The following WIPF3 variants were observed in gnomAD, a reference collection of about 807,000 sequenced individuals.
WIPF3 encodes WAS/WASL-interacting protein family member 3.
A neutral mutation model predicts 38.9 loss-of-function variants in WIPF3; 33 were observed. The ratio of observed to expected loss-of-function variants is 0.85; its 90% CI spans 0.64 to 1.14. WIPF3 has a LOEUF of 1.14. WIPF3 is among the 50% of genes most tolerant of loss of function. WIPF3 has a pLI of 0.00. For missense variants in WIPF3, 711 were observed against 652.5 expected (o/e 1.09, Z -0.98); for synonymous variants, 324 against 269.3 (o/e 1.20, Z -1.99).
intron 2 of WIPF3, among the ~76,000 whole-genome samples, chr7:29,858,057 T>G (rs1373924620): frequency 6.6e-6 from 1 of 152,240 alleles, no homozygotes; most frequent in East Asian, 1.9e-4. Context: ...TTATGGTAAG[T>G]GTCTTACAGT....
chr7:29,816,412 A>G (rs547650413), intron 1 of WIPF3, among the ~76,000 whole-genome samples: 29 of 152,058 alleles, frequency 1.9e-4, no homozygotes, highest in African/African-American at 6.5e-4. Context: ...CTCACTGCAG[A>G]CTCCATCTCC....
chr7:29,818,346 G>A (rs1289377891), intron 1 of WIPF3, among the ~76,000 whole-genome samples: 5 of 151,848 alleles, frequency 3.3e-5, no homozygotes, highest in Admixed American at 6.6e-5. Context: ...CCAGCTACTC[G>A]GGAGGCTGAA....
chr7:29,826,825 A>G (rs1197059879), intron 1 of WIPF3, among the ~76,000 whole-genome samples: 1 of 152,184 alleles, frequency 6.6e-6, no homozygotes, highest in Non-Finnish European at 1.5e-5. Context: ...ATTTGTATAC[A>G]AGTGGCCTTA....
intron 4 of WIPF3, among the ~76,000 whole-genome samples, chr7:29,882,510 G>C (rs1183906484): frequency 6.6e-6 from 1 of 152,150 alleles, no homozygotes; most frequent in African/African-American, 2.4e-5. Flanking sequence ...TAGCCAGAGG[G>C]GCTCATATTT....
At chr7:29,894,919 G>GTTT (rs60160111) in intron 7 of WIPF3, among the ~76,000 whole-genome samples, 71 of 146,572 alleles carry the variant, frequency 4.8e-4, no homozygotes, top group Non-Finnish European at 8.0e-4. Context: ...GTGTGTTGTT[G>GTTT]TTTTTTTTTG....
rs904135273 is a variant in WIPF3, at chr7:29,806,611, A to AGGC, written c.-113_-111dup. On this transcript the variant is annotated 5_prime_UTR_variant, in exon 1 of 9. Coordinates refer to ENST00000242140, the MANE Select transcript of WIPF3 (RefSeq NM_001080529.3). ...GCTGCGGGACGGAGCCCGGAGCCGGAGGCGGCGGCGGCGGAGACGTCGGCC... is the reference window on the plus strand; with the variant it reads ...GCTGCGGGACGGAGCCCGGAGCCGGAGGCGGCGGCGGCGGCGGAGACGTCGGCC... 29 of 151,144 alleles carry AGGC rather than the reference A, an allele frequency of 1.9e-4. 3 individuals are homozygous for AGGC. Among genetic ancestry groups the AGGC allele is most frequent in the African/African-American group, 7.0e-4 (29 of 41,324 alleles). 9.4% of individuals were successfully genotyped at this position (151,144 alleles called of 1,614,324 possible). A position where few individuals can be genotyped will look rare whatever the true frequency, so the allele number is the denominator to read the frequency against.
At chr7:29,892,120 G>A (rs1786036521) in intron 7 of WIPF3, among the ~76,000 whole-genome samples, 1 of 152,160 alleles carries the variant, frequency 6.6e-6, no homozygotes. Context: ...CTTATTGGAG[G>A]ACACAGCTTA....
At chr7:29,887,253 A>G (rs1008323491) in intron 5 of WIPF3, among the ~76,000 whole-genome samples, 1 of 152,248 alleles carries the variant, frequency 6.6e-6, no homozygotes, top group Admixed American at 6.5e-5. Context: ...ACATGGGGGG[A>G]AAAGAGAGAG....
chr7:29,895,693 C>T (rs578219664), intron 7 of WIPF3, among the ~76,000 whole-genome samples: 18 of 152,260 alleles, frequency 1.2e-4, no homozygotes, highest in Admixed American at 3.9e-4. Flanking sequence ...TGGTGGAAGG[C>T]GAATGAGGAG....
At chr7:29,883,807 C>T (rs771428889) in intron 4 of WIPF3, 43 bp from the exon 5 acceptor site, 1 of 1,510,024 alleles carries the variant, frequency 6.6e-7, no homozygotes. Flanking sequence ...GGGCTTTCTC[C>T]TTCTTTATTG....
In WIPF3 at chr7:29,834,746, C is replaced by T; in HGVS notation, c.22C>T (p.Pro8Ser). The T allele has an allele frequency of 6.7e-7, 1 of 1,493,554 alleles. No individual in the cohort carries two copies. Among genetic ancestry groups the T allele is most frequent in the Non-Finnish European group, 9.0e-7 (1 of 1,115,672 alleles). 92.5% of individuals were successfully genotyped at this position (1,493,554 alleles called of 1,614,324 possible). A position where few individuals can be genotyped will look rare whatever the true frequency, so the allele number is the denominator to read the frequency against. MPVPPPP[P>S]PPLPPPPPPL... ...ACACATGCCAGTGCCACCGCCACCC[C>T]CACCTCCTCTGCCTCCACCTCCCCC... The change falls in exon 2 of 9, where the codon CCA (proline) becomes TCA (serine). Residue 8 changes from proline to serine, a missense_variant. Coordinates refer to ENST00000242140, the MANE Select transcript of WIPF3 (RefSeq NM_001080529.3).
chr7:29,850,761 C>T (rs191203381), intron 2 of WIPF3, among the ~76,000 whole-genome samples: 22 of 152,284 alleles, frequency 1.4e-4, no homozygotes, highest in East Asian at 3.9e-4. Context: ...AGCACCATGC[C>T]CCACCTGGCA....
chr7:29,834,805 A>G lies in WIPF3; in HGVS notation c.81A>G (p.Ser27=), dbSNP rs1361496077. The change falls in exon 2 of 9, where the codon TCA becomes TCG. Residue 27 remains serine, a synonymous_variant. Coordinates refer to ENST00000242140, the MANE Select transcript of WIPF3 (RefSeq NM_001080529.3). ...PLGAPPPPPP[S]APPVSTDTSS... is the part of the protein sequence containing the mutation. Reference sequence around the variant, plus strand: ...GGGCTCCTCCCCCTCCCCCACCATCAGCACCCCCGGTAAGACCTTTTTTTC... The same window carrying G: ...GGGCTCCTCCCCCTCCCCCACCATCGGCACCCCCGGTAAGACCTTTTTTTC... 2.5e-6 allele frequency: 3 copies of G among 1,220,846 alleles called. No individual in the cohort carries two copies. Among genetic ancestry groups the G allele is most frequent in the Non-Finnish European group, 3.1e-6 (3 of 967,026 alleles). The allele number at this position is 1,220,846 out of a possible 1,614,324, so 75.6% of individuals were successfully genotyped here. A position where few individuals can be genotyped will look rare whatever the true frequency, so the allele number is the denominator to read the frequency against.
At chr7:29,814,371 T>C (rs1784426231) in intron 1 of WIPF3, among the ~76,000 whole-genome samples, 2 of 152,250 alleles carry the variant, frequency 1.3e-5, no homozygotes, top group African/African-American at 4.8e-5. Flanking sequence ...GCAGGAACCA[T>C]GTAGCTATGG....
chr7:29,851,283 A>C (rs965118326), intron 2 of WIPF3, among the ~76,000 whole-genome samples: 1 of 152,132 alleles, frequency 6.6e-6, no homozygotes, highest in Admixed American at 6.5e-5. Context: ...TGTGAAGCTC[A>C]CTTCCTGGTG....
intron 2 of WIPF3, among the ~76,000 whole-genome samples, chr7:29,869,704 T>A (rs928440097): frequency 1.3e-5 from 2 of 152,236 alleles, no homozygotes; most frequent in Non-Finnish European, 2.9e-5. Context: ...ACATTTATTC[T>A]TATATTTTTC....
intron 1 of WIPF3, among the ~76,000 whole-genome samples, chr7:29,824,013 A>G (rs1484155150): frequency 2.0e-5 from 3 of 152,238 alleles, no homozygotes; most frequent in African/African-American, 7.2e-5. Flanking sequence ...AGAACAGACT[A>G]ATACACCAAG....
chr7:29,902,592 C>T (rs1786310326), intron 7 of WIPF3, among the ~76,000 whole-genome samples: 1 of 151,944 alleles, frequency 6.6e-6, no homozygotes, highest in South Asian at 2.1e-4. Flanking sequence ...AATCCCAGCA[C>T]TTTGGGAGGC....
rs149981529 is a variant in WIPF3, at chr7:29,822,069, A to G, written c.-57-12599A>G. 6.3e-5 allele frequency among the ~76,000 whole-genome samples: 9 copies of G among 143,768 alleles called. No individual in the cohort carries two copies. In the East Asian group the frequency reaches 1.6e-3, roughly 26 times the overall value. 94.3% of individuals were successfully genotyped at this position (143,768 alleles called of 152,430 possible). A position where few individuals can be genotyped will look rare whatever the true frequency, so the allele number is the denominator to read the frequency against. ...TTTACAGCAGTATTTTTTCTAATAA[A>G]TGTTCTTTACTTATCATCGTTCTTT... On this transcript the variant is annotated intron_variant, in intron 1 of 8. Transcript: ENST00000242140.
Sources: gnomAD v4.1 joint callset for allele counts (sites outside exome capture counted in the v4.1 genomes callset) on GRCh38, gnomAD v4.1.1 for gene constraint, MANE v1.5 for transcripts, NCBI Gene and HGNC (gene_info 2026-07-23, HGNC 2026-07-21) for gene names.